Variants in SYT14 observed in about 807,000 individuals in gnomAD.
The protein encoded by SYT14 is synaptotagmin-14.
A neutral mutation model predicts 74.2 loss-of-function variants in SYT14; 32 were observed. The observed-to-expected ratio is 0.43, with a 90% CI of 0.33 to 0.58. The LOEUF (loss-of-function observed/expected upper bound fraction) is 0.58. SYT14 is among the 20% of genes least tolerant of loss of function. SYT14 has a pLI of 0.05. For synonymous variants in SYT14, 298 were observed against 337.7 expected (o/e 0.88, Z 1.29); for missense variants, 791 against 981.8 (o/e 0.81, Z 2.60).
chr1:210,081,944 G>GA (rs1483930445), intron 5 of SYT14, among the ~76,000 whole-genome samples: 2 of 152,092 alleles, frequency 1.3e-5, no homozygotes, highest in African/African-American at 4.8e-5. Context: ...GATTCATTTG[G>GA]AAAAAAGTCA....
intron 2 of SYT14, among the ~76,000 whole-genome samples, chr1:209,982,258 T>C (rs1326161316): frequency 2.0e-5 from 3 of 152,096 alleles, no homozygotes; most frequent in Non-Finnish European, 4.4e-5. Flanking sequence ...TGGTCTCAGG[T>C]GATCCTCCCA....
chr1:210,145,196 C>T (rs568133732), intron 7 of SYT14, among the ~76,000 whole-genome samples: 1 of 152,136 alleles, frequency 6.6e-6, no homozygotes. Flanking sequence ...TAAAAAATTG[C>T]AATTTTTTGC....
chr1:210,015,772 C>T (rs968709470), exon 4 of SYT14: 9 of 713,048 alleles, frequency 1.3e-5, no homozygotes, highest in African/African-American at 1.1e-4. Context: ...AATGTCATAA[C>T]GTTTAAACCA....
chr1:210,141,955 A>G (rs1179236808), intron 7 of SYT14, among the ~76,000 whole-genome samples: 1 of 152,014 alleles, frequency 6.6e-6, no homozygotes, highest in Non-Finnish European at 1.5e-5. Flanking sequence ...TTTTGCTCTT[A>G]TTTTTTCATT....
intron 7 of SYT14, among the ~76,000 whole-genome samples, chr1:210,119,942 A>G (rs1365103364): frequency 6.6e-6 from 1 of 152,158 alleles, no homozygotes; most frequent in Non-Finnish European, 1.5e-5. Flanking sequence ...CTGAGATAAA[A>G]CGGGTGTCCT....
chr1:210,102,378 C>G (rs2082083822), intron 7 of SYT14, among the ~76,000 whole-genome samples: 1 of 152,054 alleles, frequency 6.6e-6, no homozygotes, highest in Non-Finnish European at 1.5e-5. Flanking sequence ...AATTCAGTAC[C>G]CTGTATTTAA....
intron 2 of SYT14, among the ~76,000 whole-genome samples, chr1:209,969,663 A>G (rs1375933707): frequency 6.6e-6 from 1 of 151,214 alleles, no homozygotes; most frequent in East Asian, 1.9e-4. Flanking sequence ...AATTTTTTGT[A>G]TTTTTAGTGT....
In SYT14 at chr1:209,955,620, T is replaced by C. The variant is rs558605175; in HGVS notation, c.-486+2864T>C. Among the ~76,000 whole-genome samples, 5 of 152,328 alleles carry C rather than the reference T, an allele frequency of 3.3e-5. No individual in the cohort carries two copies. The East Asian group carries it at 7.7e-4, about 23-fold the overall frequency. On this transcript the variant is annotated intron_variant, in intron 2 of 9. Coordinates refer to ENST00000637265, the Ensembl canonical transcript of SYT14. ...TCCTTTCACTAAGTATTAGTGATTT[T>C]CAAAAATGTAAATCAGGCCAACCAC...
At chr1:209,958,613 T>C (rs1447294913) in intron 2 of SYT14, among the ~76,000 whole-genome samples, 1 of 152,166 alleles carries the variant, frequency 6.6e-6, no homozygotes, top group Non-Finnish European at 1.5e-5. Flanking sequence ...TATGTTTAGA[T>C]ACCTTATATT....
At chr1:210,135,880 A>G (rs971563292) in intron 7 of SYT14, among the ~76,000 whole-genome samples, 3 of 152,176 alleles carry the variant, frequency 2.0e-5, no homozygotes, top group African/African-American at 4.8e-5. Context: ...AGTGCCCCAT[A>G]TATTATGTTT....
Position 210,019,448 on chromosome 1 carries a change from C to G in SYT14, c.1097-1591C>G, listed in dbSNP as rs180733450. 4.6e-5 allele frequency among the ~76,000 whole-genome samples: 7 copies of G among 152,280 alleles called. No individual in the cohort carries two copies. In the East Asian group the frequency reaches 1.2e-3, roughly 25 times the overall value. On this transcript the variant is annotated intron_variant, in intron 4 of 9. Coordinates refer to ENST00000637265, the Ensembl canonical transcript of SYT14. ...CCGCTAGCTGCATGTGGCTGTTGAG[C>G]ACTTCAAATGTGGCTAATAGCATGG...
intron 2 of SYT14, among the ~76,000 whole-genome samples, chr1:209,969,926 ATTGT>A (rs1476307384): frequency 2.6e-5 from 4 of 151,828 alleles, no homozygotes; most frequent in African/African-American, 4.8e-5. Flanking sequence ...TGTTTGTTGA[ATTGT>A]TTATTTCTTA....
At chr1:210,043,192 A>G (rs1364410848) in intron 5 of SYT14, among the ~76,000 whole-genome samples, 1 of 152,084 alleles carries the variant, frequency 6.6e-6, no homozygotes, top group African/African-American at 2.4e-5. Context: ...CATTTCTTTT[A>G]TTCTGCTTTC....
At chr1:210,086,279 G>A (rs1485743987) in intron 5 of SYT14, among the ~76,000 whole-genome samples, 13 of 152,084 alleles carry the variant, frequency 8.5e-5, no homozygotes, top group Admixed American at 7.2e-4. Context: ...GGTACCCTTC[G>A]TAATTAAAAA....
exon 4 of SYT14, chr1:210,016,154 A>G (rs534608743): frequency 2.4e-6 from 3 of 1,232,170 alleles, no homozygotes; most frequent in Non-Finnish European, 2.0e-6. Flanking sequence ...AACAAGTATG[A>G]TGAGTGGCTT....
chr1:210,140,632 T>G (rs1189712491), intron 7 of SYT14, among the ~76,000 whole-genome samples: 1 of 152,182 alleles, frequency 6.6e-6, no homozygotes, highest in Admixed American at 6.5e-5. Flanking sequence ...TTTATGGTTT[T>G]AGCTCTTAAA....
At chr1:210,134,980 CCT>C (rs1037697858) in intron 7 of SYT14, among the ~76,000 whole-genome samples, 2 of 151,606 alleles carry the variant, frequency 1.3e-5, no homozygotes, top group Middle Eastern at 3.2e-3. Context: ...AATTTTTTTC[CCT>C]GTCTTTTTTT....
At chr1:210,098,686 G>GTTT (rs201322057) in intron 6 of SYT14, among the ~76,000 whole-genome samples, 1 of 144,932 alleles carries the variant, frequency 6.9e-6, no homozygotes. Flanking sequence ...TGTGGACAGT[G>GTTT]TTTTTTTTTT....
chr1:210,099,020 A>G (rs761305871), intron 6 of SYT14, among the ~76,000 whole-genome samples: 5 of 152,144 alleles, frequency 3.3e-5, no homozygotes, highest in Non-Finnish European at 7.4e-5. Flanking sequence ...TTTGTTTCGT[A>G]AATGGAAAAA....
Sources: gnomAD v4.1 joint callset for allele counts (sites outside exome capture counted in the v4.1 genomes callset) on GRCh38, gnomAD v4.1.1 for gene constraint, MANE v1.5 for transcripts, NCBI Gene and HGNC (gene_info 2026-07-23, HGNC 2026-07-21) for gene names.